Variants in SLC35F4 observed in about 807,000 individuals in gnomAD.
SLC35F4 encodes the protein solute carrier family 35 member F4.
SLC35F4 carries 24 observed loss-of-function variants against 44.2 expected under a neutral mutation model. The observed-to-expected ratio is 0.54, with a 90% CI of 0.39 to 0.76. SLC35F4 has a LOEUF of 0.76. SLC35F4 is among the 30% of genes least tolerant of loss of function. SLC35F4 has a pLI of 0.00. For synonymous variants in SLC35F4, 238 were observed against 223.6 expected (o/e 1.06, Z -0.57); for missense variants, 562 against 586.1 (o/e 0.96, Z 0.42).
intron 1 of SLC35F4, among the ~76,000 whole-genome samples, chr14:57,840,384 A>G (rs894461637): frequency 2.0e-5 from 3 of 152,210 alleles, no homozygotes; most frequent in African/African-American, 7.2e-5. Context: ...AATAGATTAA[A>G]TTTGTCATAG....
chr14:57,808,537 A>C (rs1289439144), intron 1 of SLC35F4, among the ~76,000 whole-genome samples: 2 of 152,050 alleles, frequency 1.3e-5, no homozygotes, highest in Admixed American at 6.5e-5. Flanking sequence ...TTAAAAATTA[A>C]AATGAAATAC....
intron 1 of SLC35F4, among the ~76,000 whole-genome samples, chr14:57,636,089 C>T (rs1186887098): frequency 6.6e-6 from 1 of 152,066 alleles, no homozygotes; most frequent in Non-Finnish European, 1.5e-5. Flanking sequence ...CACAGCAAAC[C>T]AATGTTTGCT....
intron 1 of SLC35F4, among the ~76,000 whole-genome samples, chr14:57,663,459 A>G (rs78932591): frequency 2.0e-5 from 3 of 152,306 alleles, no homozygotes; most frequent in African/African-American, 7.2e-5. Context: ...CCAAAGCCTC[A>G]TAATTGTTTG....
chr14:57,647,215 G>A (rs57177792), intron 1 of SLC35F4, among the ~76,000 whole-genome samples: 41,092 of 146,590 alleles, frequency 0.28, 5,921 homozygotes, highest in East Asian at 0.46. Context: ...TAATGTTGAC[G>A]GTGGGGTGTT....
intron 1 of SLC35F4, among the ~76,000 whole-genome samples, chr14:57,929,803 C>T (rs117241589): frequency 6.6e-6 from 1 of 152,278 alleles, no homozygotes; most frequent in Non-Finnish European, 1.5e-5. Flanking sequence ...TGAAAACTCC[C>T]CTCAGTCAGC....
intron 1 of SLC35F4, among the ~76,000 whole-genome samples, chr14:57,701,282 T>C (rs1184492894): frequency 6.6e-6 from 1 of 152,134 alleles, no homozygotes; most frequent in Non-Finnish European, 1.5e-5. Context: ...ATAAGAGCAA[T>C]AACATGCATG....
At chr14:57,690,983 G>A (rs1477826702) in intron 1 of SLC35F4, among the ~76,000 whole-genome samples, 1 of 152,156 alleles carries the variant, frequency 6.6e-6, no homozygotes, top group African/African-American at 2.4e-5. Flanking sequence ...CTAGAGCAGG[G>A]GTCCCCAACC....
chr14:57,893,954 T>G (rs2207258), intron 1 of SLC35F4, among the ~76,000 whole-genome samples: 18,445 of 152,174 alleles, frequency 0.12, 1,415 homozygotes, highest in East Asian at 0.4. Context: ...TATTTTGGTT[T>G]AATTTTAAAT....
chr14:57,747,318 A>T (rs1383134439), intron 1 of SLC35F4, among the ~76,000 whole-genome samples: 1 of 152,208 alleles, frequency 6.6e-6, no homozygotes. Flanking sequence ...GACAAATTGA[A>T]TGAAAACGTG....
chr14:57,652,076 C>A (rs976083695), intron 1 of SLC35F4, among the ~76,000 whole-genome samples: 1 of 152,172 alleles, frequency 6.6e-6, no homozygotes, highest in African/African-American at 2.4e-5. Context: ...GACATCCTGG[C>A]AACAGGCAGT....
chr14:57,579,705 A>G (rs548418064), intron 4 of SLC35F4, among the ~76,000 whole-genome samples: 48 of 152,316 alleles, frequency 3.2e-4, no homozygotes, highest in African/African-American at 1.1e-3. Context: ...TCAAATATCA[A>G]TCGAACCCCC....
intron 1 of SLC35F4, among the ~76,000 whole-genome samples, chr14:57,647,825 C>T (rs527990855): frequency 6.6e-6 from 1 of 152,230 alleles, no homozygotes; most frequent in East Asian, 1.9e-4. Flanking sequence ...CCTCTACCAT[C>T]CCCCAGGCGA....
intron 1 of SLC35F4, among the ~76,000 whole-genome samples, chr14:57,716,730 G>T (rs1218847259): frequency 6.6e-6 from 1 of 151,982 alleles, no homozygotes. Context: ...TATTTGTATG[G>T]GGAACATTTG....
At chr14:57,891,864 G>C (rs1177067900) in intron 1 of SLC35F4, among the ~76,000 whole-genome samples, 1 of 152,160 alleles carries the variant, frequency 6.6e-6, no homozygotes, top group Non-Finnish European at 1.5e-5. Flanking sequence ...GACAGAGCAA[G>C]AATCCACCTC....
intron 1 of SLC35F4, among the ~76,000 whole-genome samples, chr14:57,723,089 C>T (rs557786547): frequency 1.8e-4 from 27 of 152,246 alleles, no homozygotes; most frequent in African/African-American, 6.3e-4. Context: ...GACATTGATT[C>T]CAGGGGACCC....
intron 1 of SLC35F4, among the ~76,000 whole-genome samples, chr14:57,970,775 T>C (rs1285487181): frequency 6.6e-6 from 1 of 151,960 alleles, no homozygotes; most frequent in Non-Finnish European, 1.5e-5. Flanking sequence ...TCGACCCAGA[T>C]GTAGACCTTT....
chr14:57,694,019 C>A, intron 1 of SLC35F4, among the ~76,000 whole-genome samples: 1 of 152,126 alleles, frequency 6.6e-6, no homozygotes. Flanking sequence ...CTTTAGAAAA[C>A]AGTAAATTAT....
At chr14:57,950,049 C>T (rs901500687) in intron 1 of SLC35F4, among the ~76,000 whole-genome samples, 15 of 152,094 alleles carry the variant, frequency 9.9e-5, no homozygotes, top group African/African-American at 3.6e-4. Flanking sequence ...GTTCTTTGAG[C>T]TTCTTGTATT....
chr14:57,969,851 G>A (rs908484625), intron 1 of SLC35F4, among the ~76,000 whole-genome samples: 5 of 152,110 alleles, frequency 3.3e-5, no homozygotes, highest in African/African-American at 9.7e-5. Context: ...CACTGAGCAC[G>A]GATGTTCATG....
Sources: gnomAD v4.1 joint callset for allele counts (sites outside exome capture counted in the v4.1 genomes callset) on GRCh38, gnomAD v4.1.1 for gene constraint, MANE v1.5 for transcripts, NCBI Gene and HGNC (gene_info 2026-07-23, HGNC 2026-07-21) for gene names.